Variants in DYNC1I1 observed in about 807,000 individuals in gnomAD.
The protein encoded by DYNC1I1 is dynein cytoplasmic 1 intermediate chain 1.
A neutral mutation model predicts 86.6 loss-of-function variants in DYNC1I1; 43 were observed. The ratio of observed to expected loss-of-function variants is 0.50; its 90% confidence interval spans 0.39 to 0.64. The LOEUF (loss-of-function observed/expected upper bound fraction) is 0.64. Ranked by LOEUF, DYNC1I1 falls within the 30% of genes least tolerant of loss-of-function variation. The pLI is 0.00. For synonymous variants in DYNC1I1, 262 were observed against 283.7 expected (o/e 0.92, Z 0.77); for missense variants, 604 against 788.8 (o/e 0.77, Z 2.81).
At chr7:96,052,719 G>A (rs1216070331) in intron 14 of DYNC1I1, among the ~76,000 whole-genome samples, 10 of 152,156 alleles carry the variant, frequency 6.6e-5, no homozygotes, top group African/African-American at 2.4e-4. Context: ...CAAGGTGACT[G>A]GAACAGAATA....
chr7:96,036,670 A>T (rs1482137823), intron 13 of DYNC1I1, among the ~76,000 whole-genome samples: 1 of 152,202 alleles, frequency 6.6e-6, no homozygotes, highest in Non-Finnish European at 1.5e-5. Context: ...ATGATATATA[A>T]TGTAATCCAT....
intron 14 of DYNC1I1, among the ~76,000 whole-genome samples, chr7:96,065,335 C>T (rs537191759): frequency 1.3e-5 from 2 of 151,522 alleles, no homozygotes; most frequent in African/African-American, 4.8e-5. Flanking sequence ...CATAGTCCTC[C>T]TTCTTCTCCA....
intron 5 of DYNC1I1, among the ~76,000 whole-genome samples, chr7:95,837,923 C>T (rs991691434): frequency 6.6e-6 from 1 of 152,182 alleles, no homozygotes; most frequent in African/African-American, 2.4e-5. Flanking sequence ...AGAAATCACC[C>T]GTCTTCTGCG....
In DYNC1I1 at chr7:95,926,164, A is replaced by G. The variant is rs777000427; in HGVS notation, c.491-51348A>G. On this transcript the variant is annotated intron_variant, in intron 6 of 16. Coordinates refer to ENST00000447467, the MANE Select transcript of DYNC1I1 (RefSeq NM_001135556.2). ...AACAATGTACATACTGAGCAATTCA[A>G]TTTCTGGGAATTGTTCCTGCAGGAA... Among the ~76,000 whole-genome samples, 4 of 152,292 alleles carry G rather than the reference A, an allele frequency of 2.6e-5. No homozygotes were observed. In the East Asian group the frequency reaches 7.7e-4, roughly 29 times the overall value.
intron 16 of DYNC1I1, among the ~76,000 whole-genome samples, chr7:96,087,779 G>A (rs1176056631): frequency 6.6e-6 from 1 of 152,140 alleles, no homozygotes; most frequent in Non-Finnish European, 1.5e-5. Context: ...TAGTGTTACA[G>A]CCCCAATGCT....
chr7:95,903,861 G>T (rs568709522), intron 6 of DYNC1I1, among the ~76,000 whole-genome samples: 8 of 152,146 alleles, frequency 5.3e-5, no homozygotes, highest in Non-Finnish European at 1.2e-4. Context: ...ATGAGAATGT[G>T]CATCATTGGT....
intron 6 of DYNC1I1, among the ~76,000 whole-genome samples, chr7:95,900,652 G>C (rs990033380): frequency 3.3e-5 from 5 of 152,112 alleles, no homozygotes; most frequent in African/African-American, 1.2e-4. Context: ...GAAAATACGA[G>C]GGTTTGATCC....
At chr7:96,092,142 G>T (rs886755248) in intron 16 of DYNC1I1, among the ~76,000 whole-genome samples, 2 of 151,370 alleles carry the variant, frequency 1.3e-5, no homozygotes, top group African/African-American at 4.9e-5. Context: ...TATTTGTGTG[G>T]GTATTTCAGA....
intron 15 of DYNC1I1, among the ~76,000 whole-genome samples, chr7:96,079,090 A>G (rs1192580542): frequency 3.3e-5 from 5 of 151,938 alleles, no homozygotes; most frequent in East Asian, 1.9e-4. Context: ...AAGAATTTTT[A>G]TTGATTTCAA....
At chr7:95,909,243 T>TGGGGGGGGGGGGGGGGG (rs55986463) in intron 6 of DYNC1I1, among the ~76,000 whole-genome samples, 1 of 40,380 alleles carries the variant, frequency 2.5e-5, no homozygotes, top group Admixed American at 3.5e-4. Flanking sequence ...GGGAGGGGGG[T>TGGGGGGGGGGGGGGGGG]GGGGGGGGGG....
At chr7:95,994,365 T>C (rs1008969182) in intron 9 of DYNC1I1, among the ~76,000 whole-genome samples, 3 of 152,150 alleles carry the variant, frequency 2.0e-5, no homozygotes, top group African/African-American at 7.2e-5. Flanking sequence ...AGGGCTTTAA[T>C]TGGCAGGACA....
intron 13 of DYNC1I1, among the ~76,000 whole-genome samples, chr7:96,038,566 C>T (rs903802672): frequency 1.3e-5 from 2 of 152,202 alleles, no homozygotes. Flanking sequence ...CTAGTTTATT[C>T]AACAAATATT....
intron 14 of DYNC1I1, among the ~76,000 whole-genome samples, chr7:96,040,643 T>A (rs899518767): frequency 6.6e-6 from 1 of 151,944 alleles, no homozygotes; most frequent in Admixed American, 6.6e-5. Context: ...GTTTGATATG[T>A]GAGTCAGAAG....
rs574694944 is a variant in DYNC1I1 at position 96,076,244 on chromosome 7, G to A, written c.1650+47G>A. ...CGGGCCGGAGGGCTGGGAGGGGGGC[G>A]CAGTCGGCCACTCGCAGTCTCTCCC... On this transcript the variant is annotated intron_variant, in intron 15 of 16. Transcript: ENST00000447467. 33 of 1,602,826 alleles carry A rather than the reference G, an allele frequency of 2.1e-5. No homozygotes were observed. The African/African-American group carries it at 4.4e-4, about 21-fold the overall frequency.
chr7:96,067,806 T>C (rs2299284), intron 14 of DYNC1I1, among the ~76,000 whole-genome samples: 36,549 of 152,056 alleles, frequency 0.24, 4,622 homozygotes, highest in East Asian at 0.34. Context: ...TTCCTTTTCA[T>C]TTTAATGATA....
At chr7:96,108,770 A>G (rs989546554) in intron 16 of DYNC1I1, among the ~76,000 whole-genome samples, 1 of 151,618 alleles carries the variant, frequency 6.6e-6, no homozygotes, top group Non-Finnish European at 1.5e-5. Context: ...GCTGAGGCAG[A>G]GAATTGCTTG....
intron 14 of DYNC1I1, among the ~76,000 whole-genome samples, chr7:96,072,675 G>T (rs544112478): frequency 6.6e-6 from 1 of 152,126 alleles, no homozygotes; most frequent in African/African-American, 2.4e-5. Flanking sequence ...GAGTGGTAAA[G>T]CACAAGCAAG....
At chr7:95,881,962 C>A (rs1025374255) in intron 6 of DYNC1I1, among the ~76,000 whole-genome samples, 1 of 152,050 alleles carries the variant, frequency 6.6e-6, no homozygotes, top group African/African-American at 2.4e-5. Flanking sequence ...ACATTGCTAC[C>A]CTCATAGCTT....
At chr7:96,042,985 G>A (rs1193691316) in intron 14 of DYNC1I1, among the ~76,000 whole-genome samples, 1 of 151,768 alleles carries the variant, frequency 6.6e-6, no homozygotes, top group Admixed American at 6.6e-5. Context: ...CATAGTGAAT[G>A]CTTATCTTTA....
Sources: gnomAD v4.1 joint callset for allele counts (sites outside exome capture counted in the v4.1 genomes callset) on GRCh38, gnomAD v4.1.1 for gene constraint, MANE v1.5 for transcripts, NCBI Gene and HGNC (gene_info 2026-07-23, HGNC 2026-07-21) for gene names.